Variants in DDX27 observed in about 807,000 individuals in gnomAD.
DDX27 encodes probable ATP-dependent RNA helicase DDX27.
In DDX27, 42 loss-of-function variants were observed where a neutral mutation model predicts 99.3. That is an observed-to-expected ratio of 0.42 (90% CI 0.33 to 0.55). DDX27 has a LOEUF of 0.55. DDX27 is among the 20% of genes least tolerant of loss of function. The probability of loss-of-function intolerance (pLI) is 0.07; values close to 1 mark genes in which losing one functional copy is unlikely to be tolerated. For missense variants in DDX27, 798 were observed against 976.8 expected, an observed-to-expected ratio of 0.82 and a Z score of 2.44; for synonymous variants, 329 against 353.8, an observed-to-expected ratio of 0.93 and a Z score of 0.79.
chr20:49,228,902 C>A lies in DDX27; in HGVS notation c.880+14C>A. ...GCCTGGCTGTGGGTGAGTTTCTGGC[C>A]AAGGGCTGCCAGCCCCTGAGAGACT... On this transcript the variant is annotated intron_variant, in intron 8 of 20. Coordinates refer to ENST00000618172, the MANE Select transcript of DDX27 (RefSeq NM_017895.8). 1 of 1,571,504 alleles carries A rather than the reference C, an allele frequency of 6.4e-7. No homozygotes were observed. Among genetic ancestry groups the A allele is most frequent in the Non-Finnish European group, 8.7e-7 (1 of 1,153,192 alleles).
At chr20:49,225,488 C>T (rs1166610995) in intron 6 of DDX27, among the ~76,000 whole-genome samples, 2 of 132,892 alleles carry the variant, frequency 1.5e-5, no homozygotes, top group Non-Finnish European at 3.1e-5. Flanking sequence ...CGGAGTCTCA[C>T]TCTGTCGCCC....
chr20:49,224,615 G>A (rs533796360), intron 4 of DDX27, among the ~76,000 whole-genome samples: 4 of 152,190 alleles, frequency 2.6e-5, no homozygotes, highest in East Asian at 1.9e-4. Context: ...CACCTGCCTC[G>A]GCCTCCTAAA....
intron 2 of DDX27, among the ~76,000 whole-genome samples, chr20:49,222,131 T>G (rs1979710309): frequency 6.6e-6 from 1 of 152,114 alleles, no homozygotes; most frequent in Admixed American, 6.6e-5. Flanking sequence ...AAACCAGCAT[T>G]GCCTTTTCTT....
chr20:49,223,136 T>C (rs1600962967), intron 3 of DDX27, 120 bp downstream of exon 3: 3 of 1,354,424 alleles, frequency 2.2e-6, no homozygotes, highest in East Asian at 4.7e-5. Context: ...CGCACTCTTC[T>C]GTGTGTTTGC....
chr20:49,235,491 G>A (rs776980179), intron 12 of DDX27: 7 of 166,462 alleles, frequency 4.2e-5, no homozygotes, highest in Non-Finnish European at 7.7e-5. Flanking sequence ...ACTGTGCTGC[G>A]TGCTTTCCAT....
chr20:49,231,558 C>A (rs1346508533), intron 9 of DDX27, among the ~76,000 whole-genome samples: 1 of 152,220 alleles, frequency 6.6e-6, no homozygotes, highest in Admixed American at 6.5e-5. Context: ...TGGACCTAGA[C>A]TGTAGCCTGC....
intron 7 of DDX27, 86 bp from the exon 8 acceptor site, chr20:49,228,629 C>T (rs999289620): frequency 3.8e-5 from 47 of 1,239,948 alleles, no homozygotes; most frequent in Admixed American, 2.8e-4. Flanking sequence ...CCCAACCAGA[C>T]GTAGTTTTTC....
chr20:49,222,556 C>T (rs1979728074), intron 2 of DDX27, among the ~76,000 whole-genome samples: 5 of 151,528 alleles, frequency 3.3e-5, no homozygotes, highest in Admixed American at 3.3e-4. Flanking sequence ...CTCTTGTTGC[C>T]CAGGCTGGAG....
Position 49,228,807 on chromosome 20 carries a change from A to G in DDX27, c.799A>G (p.Thr267Ala). ...PVTRVLVLVP[T>A]RELGIQVHSV... The stretch of plus-strand genomic sequence containing the variant: ...CACCCGCGTGCTGGTGCTAGTGCCC[A>G]CCCGAGAGCTGGGCATCCAGGTGCA... Residue 267 changes from threonine (T) to alanine (A), a missense_variant, in exon 8 of 21, where the codon ACC becomes GCC. Thr to Ala is a moderately conservative substitution (Grantham distance 58). Coordinates refer to ENST00000618172, the MANE Select transcript of DDX27 (RefSeq NM_017895.8). 1 of 1,613,108 alleles carries G rather than the reference A, an allele frequency of 6.2e-7. No homozygotes were observed. The highest frequency in any genetic ancestry group is 8.5e-7 in the Non-Finnish European group (1 of 1,179,496).
Position 49,228,872 on chromosome 20 carries a change from C to A in DDX27, c.864C>A (p.Thr288=). 1 of 1,597,338 alleles carries A rather than the reference C, an allele frequency of 6.3e-7. No individual in the cohort carries two copies. Among genetic ancestry groups the A allele is most frequent in the Non-Finnish European group, 8.6e-7 (1 of 1,168,046 alleles). The change falls in exon 8 of 21, where the codon ACC becomes ACA. Residue 288 remains threonine (T), a synonymous_variant. Coordinates refer to ENST00000618172, the MANE Select transcript of DDX27 (RefSeq NM_017895.8). ...AGCTGGCCCAGTTCTGCAACATCAC[C>A]ACCTGCCTGGCTGTGGGTGAGTTTC... The part of the protein sequence containing the change: ...TRQLAQFCNI[T]TCLAVGGLDV...
intron 6 of DDX27, 124 bp downstream of exon 6, chr20:49,225,323 G>C: frequency 1.2e-6 from 1 of 831,882 alleles, no homozygotes; most frequent in Non-Finnish European, 2.0e-6. Flanking sequence ...GCTGGGATTT[G>C]AGCCACTGTG....
chr20:49,232,362 G>C (rs1188277974), intron 9 of DDX27, among the ~76,000 whole-genome samples: 1 of 152,168 alleles, frequency 6.6e-6, no homozygotes. Flanking sequence ...TGGCGTAGTG[G>C]CTCATGCCTA....
In DDX27 at chr20:49,228,857, G is replaced by A. The variant is rs1600968494; in HGVS notation, c.849G>A (p.Gln283=). The A allele has an allele frequency of 6.2e-7, 1 of 1,604,960 alleles. No individual in the cohort carries two copies. Among genetic ancestry groups the A allele is most frequent in the Non-Finnish European group, 8.5e-7 (1 of 1,173,466 alleles). Residue 283 remains glutamine (Q), a synonymous_variant, in exon 8 of 21, where the codon CAG becomes CAA. Coordinates refer to ENST00000618172, the MANE Select transcript of DDX27 (RefSeq NM_017895.8). ...ACTCTGTCACCAGACAGCTGGCCCA[G>A]TTCTGCAACATCACCACCTGCCTGG... is the stretch of plus-strand genomic sequence containing the variant. ...QVHSVTRQLA[Q]FCNITTCLAV...
chr20:49,235,965 G>A (rs1033622682), intron 12 of DDX27, 185 bp from the exon 13 acceptor site: 10 of 429,210 alleles, frequency 2.3e-5, no homozygotes, highest in Non-Finnish European at 4.2e-5. Flanking sequence ...GGATGGTCTC[G>A]ATCTCCTGAC....
rs550973487 is a variant in DDX27, at chr20:49,237,711, T to C, written c.1687+1201T>C. Among the ~76,000 whole-genome samples, 6 of 152,316 alleles carry C rather than the reference T, an allele frequency of 3.9e-5. No homozygotes were observed. In the South Asian group the frequency reaches 1.0e-3, roughly 26 times the overall value. On this transcript the variant is annotated intron_variant, in intron 14 of 20. Transcript: ENST00000618172. ...GCCTCTGCACAGCTGGCATTGGAGCTGAGTCCTGGGTGATCGGAATGAGGC... is the reference window on the plus strand; with the variant it reads ...GCCTCTGCACAGCTGGCATTGGAGCCGAGTCCTGGGTGATCGGAATGAGGC...
At chr20:49,220,767 C>T (rs534568305) in intron 1 of DDX27, among the ~76,000 whole-genome samples, 3 of 149,682 alleles carry the variant, frequency 2.0e-5, no homozygotes, top group Admixed American at 1.3e-4. Context: ...GTTTGTCACA[C>T]CCATGATGCG....
chr20:49,242,596 A>T lies in DDX27; in HGVS notation c.2119A>T (p.Lys707Ter). The T allele has an allele frequency of 6.2e-7, 1 of 1,614,066 alleles. No homozygotes were observed. The highest frequency in any genetic ancestry group is 8.5e-7 in the Non-Finnish European group (1 of 1,180,036). ...TAACCCATTCTCTCTGTGCACAGCC[A>T]AGAAGCAAAAGCAGGGGAAGAAATC... ...PEEEPVRGPAKKQKQGKKSVF... is the reference protein window; with the variant it reads ...PEEEPVRGPA The change falls in exon 19 of 21, where the codon AAG becomes TAG. Residue 707 changes from lysine (K) to a stop codon, truncating the protein, a stop_gained and splice_region_variant. Coordinates refer to ENST00000618172, the MANE Select transcript of DDX27 (RefSeq NM_017895.8). LOFTEE classifies it high-confidence loss of function.
In DDX27 at chr20:49,228,699, C is replaced by T. The variant is rs765702999; in HGVS notation, c.707-16C>T. 5 of 1,578,308 alleles carry T rather than the reference C, an allele frequency of 3.2e-6. No homozygotes were observed. The highest frequency in any genetic ancestry group is 4.3e-6 in the Non-Finnish European group (5 of 1,155,358). ...TAAACTTCTTCTCATTGCTTCCTTG[C>T]TGTCCCTCCCTCCAGGTAAAACTGC... On this transcript the variant is annotated splice_polypyrimidine_tract_variant and intron_variant, in intron 7 of 20. Coordinates refer to ENST00000618172, the MANE Select transcript of DDX27 (RefSeq NM_017895.8).
At chr20:49,239,695 G>A (rs238157) in intron 16 of DDX27, among the ~76,000 whole-genome samples, 4,120 of 103,164 alleles carry the variant, frequency 0.04, 192 homozygotes, top group African/African-American at 0.11. Context: ...GACTGGAACC[G>A]GTATGCAGCC....
Sources: gnomAD v4.1 joint callset for allele counts (sites outside exome capture counted in the v4.1 genomes callset) on GRCh38, gnomAD v4.1.1 for gene constraint, MANE v1.5 for transcripts, NCBI Gene and HGNC (gene_info 2026-07-23, HGNC 2026-07-21) for gene names.